The following NPHS1 variants were observed in gnomAD, a reference collection of about 807,000 sequenced individuals.
NPHS1 encodes the protein NPHS1 adhesion molecule, nephrin, also known as nephrin.
NPHS1 carries 107 observed loss-of-function variants against 139.7 expected under a neutral mutation model. The ratio of observed to expected loss-of-function variants is 0.77; its 90% CI spans 0.66 to 0.90. NPHS1 has a LOEUF of 0.90. Ranked by LOEUF, NPHS1 falls within the 40% of genes least tolerant of loss-of-function variation. The probability of loss-of-function intolerance (pLI) is 0.00; values close to 1 mark genes in which losing one functional copy is unlikely to be tolerated. For missense variants in NPHS1, 1,580 were observed against 1,654.2 expected, an observed-to-expected ratio of 0.96 and a Z score of 0.78; for synonymous variants, 707 against 706.6, an observed-to-expected ratio of 1.00 and a Z score of -0.01.
In NPHS1 at chr19:35,846,150, C is replaced by T. The variant is rs1462470719; in HGVS notation, c.1485G>A (p.Arg495=). 3 of 1,597,578 alleles carry T rather than the reference C, an allele frequency of 1.9e-6. No individual in the cohort carries two copies. Among genetic ancestry groups the T allele is most frequent in the Non-Finnish European group, 2.6e-6 (3 of 1,173,640 alleles). Residue 495 remains arginine (R), a synonymous_variant, in exon 12 of 29, where the codon CGG becomes CGA. Coordinates refer to ENST00000378910, the MANE Select transcript of NPHS1 (RefSeq NM_004646.4). ...VTESRLPQES[R]RVHLGSVEKS... Reference sequence around the variant, plus strand: ...TCTCCACGCTGCCGAGATGCACGCGCCGCGACTCCTGCGGCAGCCGCGACT... The same window carrying T: ...TCTCCACGCTGCCGAGATGCACGCGTCGCGACTCCTGCGGCAGCCGCGACT...
intron 23 of NPHS1, among the ~76,000 whole-genome samples, chr19:35,832,055 G>A (rs1972893152): frequency 6.6e-6 from 1 of 152,196 alleles, no homozygotes; most frequent in South Asian, 2.1e-4. Context: ...GACTTTCTGT[G>A]GTCCAGCCTC....
intron 9 of NPHS1, 40 bp from the exon 10 acceptor site, chr19:35,848,437 C>T (rs1385292874): frequency 6.2e-7 from 1 of 1,613,684 alleles, no homozygotes; most frequent in Admixed American, 1.7e-5. Context: ...ACTGCAGCAC[C>T]CCTATCCATC....
intron 23 of NPHS1, among the ~76,000 whole-genome samples, chr19:35,834,592 T>G (rs1186014634): frequency 6.7e-6 from 1 of 149,692 alleles, no homozygotes; most frequent in Non-Finnish European, 1.5e-5. Flanking sequence ...AAGAGGAAGA[T>G]CTAAGAAAAA....
Position 35,828,049 on chromosome 19 carries a change from T to C in NPHS1, c.3595-1404A>G, listed in dbSNP as rs773732856. 6.6e-5 allele frequency among the ~76,000 whole-genome samples: 10 copies of C among 152,162 alleles called. No individual in the cohort carries two copies. In the South Asian group the frequency reaches 8.3e-4, roughly 13 times the overall value. On this transcript the variant is annotated intron_variant, in intron 28 of 28. Coordinates refer to ENST00000378910, the MANE Select transcript of NPHS1 (RefSeq NM_004646.4). ...TTCCAAAACAGTTCCCTAATCATAA[T>C]AGAAAAACAAAACAAAGCAAAACCA...
chr19:35,841,708 T>C lies in NPHS1; in HGVS notation c.2815+7A>G. On this transcript the variant is annotated splice_region_variant and intron_variant, in intron 20 of 28. Transcript: ENST00000378910. ...CCCTCCCCAACACCCTCACAGCCCC[T>C]CCATACTGATGCTGACAAGTTGAAT... 6.2e-7 allele frequency: 1 copy of C among 1,614,048 alleles called. No individual in the cohort carries two copies. The highest frequency in any genetic ancestry group is 8.5e-7 in the Non-Finnish European group (1 of 1,179,998).
intron 20 of NPHS1, among the ~76,000 whole-genome samples, chr19:35,840,556 G>A (rs1207262503): frequency 2.6e-5 from 4 of 150,996 alleles, no homozygotes; most frequent in African/African-American, 9.8e-5. Flanking sequence ...GGATGGTCTC[G>A]ATCTCCTGAC....
intron 5 of NPHS1, 90 bp from the exon 6 acceptor site, chr19:35,849,743 C>G (rs1360807617): frequency 4.4e-6 from 4 of 903,544 alleles, no homozygotes; most frequent in Non-Finnish European, 7.3e-6. Flanking sequence ...ACCTCTGGTC[C>G]CCACACCTGG....
intron 28 of NPHS1, among the ~76,000 whole-genome samples, chr19:35,827,150 A>T (rs1972809498): frequency 6.9e-6 from 1 of 144,242 alleles, no homozygotes; most frequent in African/African-American, 2.5e-5. Context: ...TAACTTTTGA[A>T]TTTTTTTTTT....
At chr19:35,841,618 C>T in intron 20 of NPHS1, 97 bp downstream of exon 20, 1 of 1,447,824 alleles carries the variant, frequency 6.9e-7, no homozygotes, top group East Asian at 2.3e-5. Context: ...CACAGAACTT[C>T]CGGTTTCAGA....
At chr19:35,844,507 G>A in intron 14 of NPHS1, 48 bp from the exon 15 acceptor site, 3 of 1,537,014 alleles carry the variant, frequency 2.0e-6, no homozygotes, top group Non-Finnish European at 2.6e-6. Context: ...TAAGGTTAGG[G>A]TCAAGGACAG....
At chr19:35,828,800 C>T (rs1972834101) in intron 28 of NPHS1, among the ~76,000 whole-genome samples, 1 of 152,192 alleles carries the variant, frequency 6.6e-6, no homozygotes, top group African/African-American at 2.4e-5. Flanking sequence ...TACTATCCGG[C>T]CCTGTTCGGA....
rs1288610618 is a variant in NPHS1, at chr19:35,825,790, C to G, written c.*724G>C. ...AAATAATAAAATAATAGGTAGGATG[C>G]AACATGGATTCATAAATTCCACTTA... On this transcript the variant is annotated 3_prime_UTR_variant, in exon 29 of 29. Transcript: ENST00000378910. Among the ~76,000 whole-genome samples, 2 of 152,254 alleles carry G rather than the reference C, an allele frequency of 1.3e-5. No homozygotes were observed. The highest frequency in any genetic ancestry group is 4.8e-5 in the African/African-American group (2 of 41,548).
intron 9 of NPHS1, 88 bp downstream of exon 9, chr19:35,848,549 A>G (rs745328320): frequency 3.0e-5 from 47 of 1,584,378 alleles, no homozygotes; most frequent in Non-Finnish European, 3.2e-5. Context: ...AAAGCCCCCC[A>G]GGCTGCTGGA....
Position 35,851,003 on chromosome 19 carries a change from A to T in NPHS1, c.484T>A (p.Ser162Thr), listed in dbSNP as rs368602816. 12 of 1,614,002 alleles carry T rather than the reference A, an allele frequency of 7.4e-6. No homozygotes were observed. In the African/African-American group the frequency reaches 1.5e-4, roughly 20 times the overall value. ...TCAGGTGCTGGCTTCGCGTCCCCAGACACACAGTTGACCACGTACTCCTGC... is the reference window on the plus strand; with the variant it reads ...TCAGGTGCTGGCTTCGCGTCCCCAGTCACACAGTTGACCACGTACTCCTGC... The part of the protein sequence containing the change: ...AGQEYVVNCV[S>T]GDAKPAPDIT... Residue 162 changes from serine to threonine, a missense_variant, in exon 4 of 29, where the codon TCT becomes ACT. Ser to Thr is a moderately conservative substitution (Grantham distance 58). Transcript: ENST00000378910.
rs768721706 is a variant in NPHS1 at position 35,851,649 on chromosome 19, C to G, written c.82G>C (p.Ala28Pro). ...GCCCAGAAGCCCCGGGGAACGGAGG[C>G]AGGAATCGCCAACTGCGCCAGGCCT... ...TEGLAQLAIP[A>P]SVPRGFWALP... is the part of the protein sequence containing the mutation. The change falls in exon 2 of 29, where the codon GCC becomes CCC. Residue 28 changes from alanine to proline, a missense_variant. Ala to Pro is a conservative substitution (Grantham distance 27). Transcript: ENST00000378910. 9 of 1,613,424 alleles carry G rather than the reference C, an allele frequency of 5.6e-6. No homozygotes were observed. Among genetic ancestry groups the G allele is most frequent in the Non-Finnish European group, 7.6e-6 (9 of 1,179,798 alleles).
At chr19:35,843,204 A>G (rs920497203) in intron 17 of NPHS1, among the ~76,000 whole-genome samples, 1 of 151,896 alleles carries the variant, frequency 6.6e-6, no homozygotes, top group African/African-American at 2.4e-5. Flanking sequence ...CTGTTCCTCC[A>G]TCCACTCACT....
chr19:35,833,137 G>T (rs1188721623), intron 23 of NPHS1, among the ~76,000 whole-genome samples: 6 of 151,040 alleles, frequency 4.0e-5, no homozygotes, highest in Non-Finnish European at 7.4e-5. Context: ...CAAGTGGTCT[G>T]CCCACCTTGG....
At position 35,851,485 on chromosome 19, in the gene NPHS1, C is replaced by T. The variant is rs369681703; in HGVS notation, c.246G>A (p.Arg82=). ...GPDPRIPGFP[R]YRLEGDPARG... ...TAGCAGGGTCCCCTTCCAGGCGGTA[C>T]CTCGGGAAGCCTGGGATCCTGGGGT... Residue 82 remains arginine, a synonymous_variant, in exon 2 of 29, where the codon AGG becomes AGA. Coordinates refer to ENST00000378910, the MANE Select transcript of NPHS1 (RefSeq NM_004646.4). 5.6e-5 allele frequency: 90 copies of T among 1,613,604 alleles called. No individual in the cohort carries two copies. In the African/African-American group the frequency reaches 1.1e-3, roughly 20 times the overall value.
chr19:35,833,973 A>G (rs1599837206), intron 23 of NPHS1, among the ~76,000 whole-genome samples: 1 of 152,148 alleles, frequency 6.6e-6, no homozygotes, highest in Admixed American at 6.5e-5. Flanking sequence ...AAGTTCCGGG[A>G]TTATAGGCAT....
Sources: allele counts gnomAD v4.1 joint callset (sites outside exome capture counted in the v4.1 genomes callset), GRCh38; gene constraint gnomAD v4.1.1; transcripts MANE v1.5; gene names NCBI Gene and HGNC (gene_info 2026-07-23, HGNC 2026-07-21).